Variants in KIF13A observed in about 807,000 individuals in gnomAD.
KIF13A encodes the protein kinesin-like protein KIF13A.
In KIF13A, 79 loss-of-function variants were observed where a neutral mutation model predicts 212.2. The observed-to-expected ratio is 0.37, with a 90% CI of 0.31 to 0.45. KIF13A has a LOEUF of 0.45. Ranked by LOEUF, KIF13A falls within the 20% of genes least tolerant of loss-of-function variation. The pLI, the probability that KIF13A is intolerant of heterozygous loss-of-function variation, is 1.00. For missense variants in KIF13A, 1,901 were observed against 2,209.0 expected, an observed-to-expected ratio of 0.86 and a Z score of 2.79; for synonymous variants, 789 against 808.6, an observed-to-expected ratio of 0.98 and a Z score of 0.41.
chr6:17,923,763 C>G, intron 2 of KIF13A, among the ~76,000 whole-genome samples: 1 of 152,200 alleles, frequency 6.6e-6, no homozygotes, highest in Admixed American at 6.5e-5. Flanking sequence ...TCAATTTCCT[C>G]TAAGTCTTCA....
chr6:17,903,031 G>A (rs1773182240), intron 2 of KIF13A, among the ~76,000 whole-genome samples: 1 of 152,152 alleles, frequency 6.6e-6, no homozygotes, highest in African/African-American at 2.4e-5. Flanking sequence ...GAAGACTTCA[G>A]AGACTGTCAG....
At chr6:17,765,419 A>G (rs563339914) in intron 38 of KIF13A, among the ~76,000 whole-genome samples, 11 of 152,356 alleles carry the variant, frequency 7.2e-5, no homozygotes, top group Non-Finnish European at 1.3e-4. Context: ...GTAATTTTTA[A>G]AAAGTTTCTC....
intron 2 of KIF13A, among the ~76,000 whole-genome samples, chr6:17,976,430 G>A (rs1268342047): frequency 6.6e-6 from 1 of 152,240 alleles, no homozygotes; most frequent in Non-Finnish European, 1.5e-5. Context: ...GCTGGCCCGG[G>A]TGCTAAGCCC....
intron 9 of KIF13A, among the ~76,000 whole-genome samples, chr6:17,841,800 G>C (rs985590147): frequency 1.3e-5 from 2 of 152,146 alleles, no homozygotes; most frequent in Non-Finnish European, 2.9e-5. Context: ...AGGTCACCCA[G>C]GGATGAGGAG....
chr6:17,766,951 AAAAT>A (rs1215817626), intron 38 of KIF13A, among the ~76,000 whole-genome samples: 3 of 152,212 alleles, frequency 2.0e-5, no homozygotes, highest in African/African-American at 7.2e-5. Flanking sequence ...AATGTGACTG[AAAAT>A]AAATGTGTAA....
chr6:17,905,774 G>C (rs1434318009), intron 2 of KIF13A, among the ~76,000 whole-genome samples: 2 of 152,182 alleles, frequency 1.3e-5, no homozygotes, highest in Non-Finnish European at 2.9e-5. Flanking sequence ...CAGCTCATTT[G>C]AGGGCCACAG....
downstream of KIF13A, among the ~76,000 whole-genome samples, chr6:17,762,088 A>G (rs1244046566): frequency 6.6e-6 from 1 of 152,168 alleles, no homozygotes; most frequent in East Asian, 1.9e-4. Flanking sequence ...TTATTTAAAC[A>G]GAGATAGGAT....
intron 29 of KIF13A, among the ~76,000 whole-genome samples, chr6:17,781,672 T>C (rs1760597689): frequency 6.8e-6 from 1 of 147,216 alleles, no homozygotes; most frequent in Non-Finnish European, 1.5e-5. Flanking sequence ...CTGTTGCTGA[T>C]GCTTGAGTGC....
rs1771488956 is a variant in KIF13A at position 17,885,795 on chromosome 6, T to C, written c.160-12358A>G. On this transcript the variant is annotated intron_variant, in intron 3 of 38. Transcript: ENST00000259711. ...TGGTGCATAAGCAATGAAGCACTAATTCAGTTCTAACTCTTTCAAATACTC... is the reference window on the plus strand; with the variant it reads ...TGGTGCATAAGCAATGAAGCACTAACTCAGTTCTAACTCTTTCAAATACTC... Among the ~76,000 whole-genome samples the C allele has an allele frequency of 2.0e-5, 3 of 152,226 alleles. No individual in the cohort carries two copies. The South Asian group carries it at 6.2e-4, about 32-fold the overall frequency.
chr6:17,762,664 G>C (rs1406597766), downstream of KIF13A, among the ~76,000 whole-genome samples: 1 of 152,184 alleles, frequency 6.6e-6, no homozygotes, highest in Non-Finnish European at 1.5e-5. Context: ...AAAAGCTGAT[G>C]TATACCAGCT....
chr6:17,890,069 T>C (rs1771904776), intron 3 of KIF13A, among the ~76,000 whole-genome samples: 1 of 151,252 alleles, frequency 6.6e-6, no homozygotes, highest in African/African-American at 2.4e-5. Context: ...ATGCCAGTAA[T>C]CCCAGCTACT....
intron 3 of KIF13A, among the ~76,000 whole-genome samples, chr6:17,874,977 CCACA>C (rs879821124): frequency 3.1e-4 from 28 of 90,766 alleles, no homozygotes; most frequent in Non-Finnish European, 4.8e-4. Flanking sequence ...TAGTATTCCA[CCACA>C]CACACACACA....
rs749622386 is a variant in KIF13A, at chr6:17,799,596, GATAATGAAATC to G, written c.2617-168_2617-158del. Among the ~76,000 whole-genome samples the G allele has an allele frequency of 1.3e-5, 2 of 151,904 alleles. No homozygotes were observed. The highest frequency in any genetic ancestry group is 2.9e-5 in the Non-Finnish European group (2 of 67,976). Reference sequence around the variant, plus strand: ...ACACCGTGACACTAAGGGTTGTATCGATAATGAAATCTGTACCACAGTTCTGTAACTATAGT... The same window carrying G: ...ACACCGTGACACTAAGGGTTGTATCGTGTACCACAGTTCTGTAACTATAGT... On this transcript the variant is annotated intron_variant, in intron 21 of 38. Transcript: ENST00000259711. This position sits in a 1 kb window ranked among gnomAD's most constrained non-coding sequence, Gnocchi z 4.4.
intron 4 of KIF13A, among the ~76,000 whole-genome samples, chr6:17,858,137 GT>G (rs2150409718): frequency 6.8e-6 from 1 of 146,830 alleles, no homozygotes; most frequent in Non-Finnish European, 1.5e-5. Flanking sequence ...GTGTGTGTGT[GT>G]GTGAGAGAGA....
Position 17,821,428 on chromosome 6 carries a change from G to T in KIF13A, c.1787-4195C>A, listed in dbSNP as rs1764421987. ...GACCTGAACTGCTCTGCTGTCAACA[G>T]CAACAAAGCCATCGATAACAGCAGT... On this transcript the variant is annotated intron_variant, in intron 16 of 38. Transcript: ENST00000259711. 2.0e-5 allele frequency among the ~76,000 whole-genome samples: 3 copies of T among 152,154 alleles called. No individual in the cohort carries two copies. The South Asian group carries it at 6.2e-4, about 31-fold the overall frequency.
chr6:17,966,659 T>C (rs917902968), intron 2 of KIF13A, among the ~76,000 whole-genome samples: 2 of 152,190 alleles, frequency 1.3e-5, no homozygotes, highest in Admixed American at 1.3e-4. Flanking sequence ...TGGATTCACT[T>C]GACCACATCC....
rs1758711763 is a variant in KIF13A at position 17,763,864 on chromosome 6, C to T, written c.*246G>A. 3 of 1,351,772 alleles carry T rather than the reference C, an allele frequency of 2.2e-6. No homozygotes were observed. Among genetic ancestry groups the T allele is most frequent in the African/African-American group, 1.5e-5 (1 of 68,348 alleles). The allele number at this position is 1,351,772 out of a possible 1,614,324, so 83.7% of individuals were successfully genotyped here. ...CCAGGGAATGAATATGAGATTGATC[C>T]TTATCCATCTGAACACTTCATTCAA... On this transcript the variant is annotated 3_prime_UTR_variant, in exon 39 of 39. Coordinates refer to ENST00000259711, the MANE Select transcript of KIF13A (RefSeq NM_022113.6).
intron 12 of KIF13A, among the ~76,000 whole-genome samples, chr6:17,833,392 G>A (rs1233620963): frequency 6.6e-6 from 1 of 151,678 alleles, no homozygotes; most frequent in African/African-American, 2.4e-5. Flanking sequence ...CTACTTGGGG[G>A]GACTGAGGGA....
intron 20 of KIF13A, among the ~76,000 whole-genome samples, chr6:17,803,121 A>G (rs1762619427): frequency 6.6e-6 from 1 of 151,800 alleles, no homozygotes; most frequent in South Asian, 2.1e-4. Context: ...TTTTTAGTAG[A>G]GACGGGGTTT....
Sources: gnomAD v4.1 joint callset for allele counts (sites outside exome capture counted in the v4.1 genomes callset) on GRCh38, gnomAD v4.1.1 for gene constraint, Gnocchi (gnomAD v3.1) non-coding constraint, MANE v1.5 for transcripts, NCBI Gene and HGNC (gene_info 2026-07-23, HGNC 2026-07-21) for gene names.